SVIL: variants seen among roughly 807,000 people sequenced by gnomAD.
SVIL encodes the protein supervillin, also known as archvillin.
In SVIL, 101 loss-of-function variants were observed where a neutral mutation model predicts 240.4. That is an observed-to-expected ratio of 0.42 (90% confidence interval 0.36 to 0.50). The LOEUF is 0.50. SVIL is among the 20% of genes least tolerant of loss of function. The pLI, the probability that SVIL is intolerant of heterozygous loss-of-function variation, is 0.01. For synonymous variants in SVIL, 999 were observed against 1,100.0 expected (o/e 0.91, Z 1.82); for missense variants, 2,512 against 2,818.7 (o/e 0.89, Z 2.46).
At chr10:29,569,193 T>TA (rs1416959948) in intron 2 of SVIL, 62 bp downstream of exon 2, 1 of 808,240 alleles carries the variant, frequency 1.2e-6, no homozygotes, top group Non-Finnish European at 1.5e-6. Context: ...TTCAAGAGAA[T>TA]AATTTTAAAA....
intron 1 of SVIL, among the ~76,000 whole-genome samples, chr10:29,627,634 T>G (rs1046390253): frequency 1.3e-5 from 2 of 152,234 alleles, no homozygotes. Flanking sequence ...CCACTGCAAC[T>G]TCCTTTTGAA....
chr10:29,723,023 C>T (rs1368243637), intron 1 of SVIL, among the ~76,000 whole-genome samples: 2 of 152,168 alleles, frequency 1.3e-5, no homozygotes, highest in Non-Finnish European at 2.9e-5. Context: ...GATTAAATGA[C>T]ATTAGATAAG....
intron 2 of SVIL, among the ~76,000 whole-genome samples, chr10:29,564,827 G>C (rs1335483651): frequency 6.6e-6 from 1 of 152,168 alleles, no homozygotes; most frequent in East Asian, 1.9e-4. Context: ...CTCCAGATTG[G>C]CTGGAAGAGC....
intron 5 of SVIL, among the ~76,000 whole-genome samples, chr10:29,554,569 G>A (rs993895922): frequency 6.6e-6 from 1 of 152,104 alleles, no homozygotes; most frequent in Admixed American, 6.5e-5. Context: ...GAGAACCCTT[G>A]AGCTTGAGCC....
intron 18 of SVIL, among the ~76,000 whole-genome samples, chr10:29,498,349 T>G (rs1948619151): frequency 6.7e-6 from 1 of 148,496 alleles, no homozygotes; most frequent in Non-Finnish European, 1.5e-5. Context: ...ACCCGGGAGG[T>G]GGAGGATGCA....
intron 1 of SVIL, among the ~76,000 whole-genome samples, chr10:29,623,471 T>C (rs1205566739): frequency 2.0e-5 from 3 of 152,224 alleles, no homozygotes; most frequent in Non-Finnish European, 4.4e-5. Flanking sequence ...CAGTGGAGGA[T>C]GGGACCCATT....
At chr10:29,464,829 T>G (rs1056536958) in intron 34 of SVIL, among the ~76,000 whole-genome samples, 19 of 116,722 alleles carry the variant, frequency 1.6e-4, no homozygotes, top group African/African-American at 6.4e-4. Context: ...AAACACAAAC[T>G]GAGAGGCAGC....
chr10:29,631,241 T>C (rs2132949292), intron 1 of SVIL, among the ~76,000 whole-genome samples: 1 of 152,304 alleles, frequency 6.6e-6, no homozygotes, highest in Non-Finnish European at 1.5e-5. Context: ...CCTGGCCGAG[T>C]GCAAGATGAG....
At position 29,502,296 on chromosome 10, in the gene SVIL, CTAAA is replaced by C. The variant is rs546303331; in HGVS notation, c.3517-3037_3517-3034del. ...AAAGCATATACAGTTTGTTTATTCT[CTAAA>C]TAATCTAATAAATATTTATCACAAT... On this transcript the variant is annotated intron_variant, in intron 17 of 37. Coordinates refer to ENST00000355867, the MANE Select transcript of SVIL (RefSeq NM_021738.3). 1.9e-3 allele frequency among the ~76,000 whole-genome samples: 288 copies of C among 152,184 alleles called. 1 individual carries two copies. Among genetic ancestry groups the C allele is most frequent in the Non-Finnish European group, 3.1e-3 (209 of 68,016 alleles).
At position 29,467,886 on chromosome 10, in the gene SVIL, G is replaced by A. The variant is rs1945107106; in HGVS notation, c.5844-11C>T. The A allele has an allele frequency of 2.5e-6, 4 of 1,613,982 alleles. No homozygotes were observed. The highest frequency in any genetic ancestry group is 3.4e-6 in the Non-Finnish European group (4 of 1,179,930). On this transcript the variant is annotated splice_polypyrimidine_tract_variant and intron_variant, in intron 32 of 37. Coordinates refer to ENST00000355867, the MANE Select transcript of SVIL (RefSeq NM_021738.3). ...GCTTCCAGGGGACATCTGCAAGGGA[G>A]AAACTCCAAGAGTTCTTTATAAGTC... is the stretch of plus-strand genomic sequence containing the variant.
At chr10:29,539,036 G>T (rs2132592561) in intron 6 of SVIL, among the ~76,000 whole-genome samples, 1 of 152,166 alleles carries the variant, frequency 6.6e-6, no homozygotes, top group Non-Finnish European at 1.5e-5. Context: ...ATGGTGGCAT[G>T]TGTCTGTAGA....
intron 1 of SVIL, among the ~76,000 whole-genome samples, chr10:29,724,518 G>C (rs1484502463): frequency 6.6e-6 from 1 of 151,958 alleles, no homozygotes; most frequent in Non-Finnish European, 1.5e-5. Context: ...CAGGATATAT[G>C]ATGGTGACTA....
Position 29,529,733 on chromosome 10 carries a change from T to C in SVIL, c.2218A>G (p.Thr740Ala), listed in dbSNP as rs747831311. 1.2e-6 allele frequency: 2 copies of C among 1,613,114 alleles called. No homozygotes were observed. Among genetic ancestry groups the C allele is most frequent in the Admixed American group, 3.3e-5 (2 of 59,872 alleles). Residue 740 changes from threonine (T) to alanine (A), a missense_variant, in exon 12 of 38, where the codon ACC becomes GCC. Thr to Ala is a moderately conservative substitution (Grantham distance 58). This residue lies in a region of SVIL where 1,443 missense variants were observed against 1,486.6 expected (regional missense o/e 0.97). Coordinates refer to ENST00000355867, the MANE Select transcript of SVIL (RefSeq NM_021738.3). The stretch of plus-strand genomic sequence containing the variant: ...GCTGCGATGACCACCTCTTCAGTGG[T>C]GATGGGCTGGGTGAGGGACCTGTCC... ...LQDRSLTQPITTEEVVIAATE... is the reference protein window; with the variant it reads ...LQDRSLTQPIATEEVVIAATE...
At chr10:29,671,474 G>A (rs1018309306) in intron 2 of SVIL, among the ~76,000 whole-genome samples, 1 of 152,196 alleles carries the variant, frequency 6.6e-6, no homozygotes, top group Non-Finnish European at 1.5e-5. Flanking sequence ...TCTGAACTTA[G>A]TGACTTTTCC....
At chr10:29,465,400 A>G (rs1944788356) in intron 34 of SVIL, among the ~76,000 whole-genome samples, 195 bp downstream of exon 34, 1 of 152,192 alleles carries the variant, frequency 6.6e-6, no homozygotes. Context: ...CTTATGCTAT[A>G]AAGTGTGGCT....
intron 1 of SVIL, among the ~76,000 whole-genome samples, chr10:29,576,843 G>A (rs895522041): frequency 1.2e-4 from 18 of 152,060 alleles, no homozygotes; most frequent in Admixed American, 1.0e-3. Context: ...ACCGCTCCCT[G>A]CTAGTAGTAT....
intron 24 of SVIL, 69 bp downstream of exon 24, chr10:29,487,094 C>A: frequency 1.3e-6 from 2 of 1,558,780 alleles, no homozygotes; most frequent in South Asian, 1.2e-5. Flanking sequence ...TGACTGACGT[C>A]AGGAAGAACA....
At chr10:29,583,563 G>A (rs1000108834) in intron 1 of SVIL, among the ~76,000 whole-genome samples, 1 of 152,164 alleles carries the variant, frequency 6.6e-6, no homozygotes, top group Non-Finnish European at 1.5e-5. Context: ...GCCTCCTAGA[G>A]TGCTGGAATT....
intron 2 of SVIL, among the ~76,000 whole-genome samples, chr10:29,672,263 C>A (rs1161426601): frequency 6.6e-6 from 1 of 152,196 alleles, no homozygotes; most frequent in Non-Finnish European, 1.5e-5. Flanking sequence ...AGAGCAAAGA[C>A]TGTATGGTCC....
Sources: allele counts gnomAD v4.1 joint callset (sites outside exome capture counted in the v4.1 genomes callset), GRCh38; gene constraint gnomAD v4.1.1; regional missense constraint gnomAD v4.1.1; transcripts MANE v1.5; gene names NCBI Gene and HGNC (gene_info 2026-07-23, HGNC 2026-07-21).